The following NGEF variants were observed in gnomAD, a reference collection of about 807,000 sequenced individuals.
NGEF encodes ephexin-1.
Under a neutral mutation model 80.9 loss-of-function variants are expected in NGEF, and 31 were observed. The observed-to-expected ratio is 0.38, with a 90% confidence interval of 0.29 to 0.52. The LOEUF (loss-of-function observed/expected upper bound fraction) is 0.52. Among genes scored for constraint, NGEF ranks in the 20% least tolerant of loss-of-function variants. The probability of loss-of-function intolerance (pLI) is 0.84; values close to 1 mark genes in which losing one functional copy is unlikely to be tolerated. For missense variants in NGEF, 709 were observed against 926.2 expected (o/e 0.77, Z 3.04); for synonymous variants, 371 against 370.2 (o/e 1.00, Z -0.03).
intron 2 of NGEF, among the ~76,000 whole-genome samples, chr2:232,973,378 G>A (rs1056221597): frequency 6.6e-6 from 1 of 152,188 alleles, no homozygotes; most frequent in African/African-American, 2.4e-5. Context: ...GATTTTGTTA[G>A]TGTTTGTGGT....
intron 3 of NGEF, among the ~76,000 whole-genome samples, chr2:232,953,023 G>A (rs1448506613): frequency 6.8e-6 from 1 of 148,124 alleles, no homozygotes; most frequent in East Asian, 2.0e-4. Context: ...AGTGATTGGG[G>A]CCAGGCGCAG....
intron 3 of NGEF, among the ~76,000 whole-genome samples, chr2:232,932,410 C>T (rs1298021072): frequency 6.6e-6 from 1 of 151,964 alleles, no homozygotes; most frequent in Non-Finnish European, 1.5e-5. Context: ...CGTGATCCAC[C>T]CGACTCGGCC....
At chr2:232,896,699 T>G (rs1423508507) in intron 5 of NGEF, among the ~76,000 whole-genome samples, 1 of 9,256 alleles carries the variant, frequency 1.1e-4, no homozygotes. Context: ...GGGGTGGGGG[T>G]AGGGGTGGGG....
At chr2:232,986,727 G>T (rs1694539658) in intron 1 of NGEF, among the ~76,000 whole-genome samples, 1 of 152,134 alleles carries the variant, frequency 6.6e-6, no homozygotes, top group Admixed American at 6.6e-5. Flanking sequence ...GGGGAGATGT[G>T]GGTCAAAGGG....
intron 3 of NGEF, among the ~76,000 whole-genome samples, chr2:232,943,749 C>T (rs1693491441): frequency 6.6e-6 from 1 of 151,308 alleles, no homozygotes; most frequent in African/African-American, 2.4e-5. Context: ...CCCGCCTCAG[C>T]CTCCCAAAGT....
At chr2:232,982,210 C>T (rs1694445395) in intron 1 of NGEF, among the ~76,000 whole-genome samples, 1 of 152,176 alleles carries the variant, frequency 6.6e-6, no homozygotes, top group Non-Finnish European at 1.5e-5. Flanking sequence ...TCATCAATCT[C>T]TCCAAGGAGG....
intron 3 of NGEF, among the ~76,000 whole-genome samples, chr2:232,957,638 T>C (rs1190653249): frequency 1.3e-5 from 2 of 152,192 alleles, no homozygotes; most frequent in East Asian, 3.8e-4. Flanking sequence ...ATTACTAATA[T>C]TAATGTTAAA....
chr2:233,004,872 A>G (rs1382452426), intron 1 of NGEF, among the ~76,000 whole-genome samples: 1 of 152,084 alleles, frequency 6.6e-6, no homozygotes, highest in African/African-American at 2.4e-5. Flanking sequence ...AATGTACAAA[A>G]TTTGGGTGAT....
intron 3 of NGEF, among the ~76,000 whole-genome samples, chr2:232,968,105 T>TTTTTTTTTTTTTTTTTTTA (rs1694102814): frequency 6.6e-5 from 10 of 151,070 alleles, no homozygotes; most frequent in South Asian, 4.2e-4. Flanking sequence ...TTTTTTTTTT[T>TTTTTTTTTTTTTTTTTTTA]GAGACAAAGT....
intron 5 of NGEF, 47 bp from the exon 6 acceptor site, chr2:232,894,963 C>G: frequency 1.3e-6 from 2 of 1,518,308 alleles, no homozygotes; most frequent in Non-Finnish European, 1.8e-6. Context: ...TGGCCTTCCA[C>G]GAAGGCGCTA....
At chr2:232,955,654 G>C (rs564566981) in intron 3 of NGEF, among the ~76,000 whole-genome samples, 1 of 152,328 alleles carries the variant, frequency 6.6e-6, no homozygotes, top group South Asian at 2.1e-4. Context: ...GAGTAGCTGG[G>C]ATTACAGGCA....
intron 5 of NGEF, among the ~76,000 whole-genome samples, chr2:232,902,990 T>C (rs903617419): frequency 1.7e-5 from 2 of 120,110 alleles, no homozygotes; most frequent in African/African-American, 6.1e-5. Context: ...TGAGACTGTC[T>C]TAAAACAAAA....
Position 232,926,940 on chromosome 2 carries a change from C to T in NGEF, c.526+104G>A. ...TTTCCTTACCCATGTCAGACGCAGT[C>T]CTTCGTATGAAACACAACGGCATCC... On this transcript the variant is annotated intron_variant, in intron 4 of 14. Coordinates refer to ENST00000264051, the MANE Select transcript of NGEF (RefSeq NM_019850.3). 3 of 1,455,350 alleles carry T rather than the reference C, an allele frequency of 2.1e-6. No homozygotes were observed. The South Asian group carries it at 3.6e-5, about 17-fold the overall frequency. 90.2% of individuals were successfully genotyped at this position (1,455,350 alleles called of 1,614,324 possible).
intron 3 of NGEF, among the ~76,000 whole-genome samples, chr2:232,941,009 GT>G (rs1693427654): frequency 6.6e-6 from 1 of 151,962 alleles, no homozygotes; most frequent in Admixed American, 6.6e-5. Context: ...GGAGACCAGA[GT>G]TTTATTACTA....
intron 5 of NGEF, among the ~76,000 whole-genome samples, chr2:232,908,635 C>G (rs982091238): frequency 6.6e-6 from 1 of 152,008 alleles, no homozygotes; most frequent in African/African-American, 2.4e-5. Flanking sequence ...AACTCCTGGG[C>G]TAAAACCACT....
intron 3 of NGEF, among the ~76,000 whole-genome samples, chr2:232,936,178 A>G (rs1466231694): frequency 6.6e-6 from 1 of 152,232 alleles, no homozygotes; most frequent in Non-Finnish European, 1.5e-5. Context: ...TGCCACAAGG[A>G]GACTTTCCAA....
chr2:232,964,615 G>C (rs1056947404), intron 3 of NGEF, among the ~76,000 whole-genome samples: 1 of 152,222 alleles, frequency 6.6e-6, no homozygotes, highest in Non-Finnish European at 1.5e-5. Context: ...TTGAACCTGG[G>C]AGGTGGAGGT....
chr2:232,890,928 A>G, intron 8 of NGEF: 1 of 471,674 alleles, frequency 2.1e-6, no homozygotes. Context: ...CTTTCTGTCC[A>G]TGAACCTTGC....
rs925138468 is a variant in NGEF, at chr2:232,890,659, T to C, written c.1272+699A>G. ...AAGCCGAGGAATCACTCTCAGTCCTTCTCTCAGCAAGTCACTGATTTCAAT... is the reference window on the plus strand; with the variant it reads ...AAGCCGAGGAATCACTCTCAGTCCTCCTCTCAGCAAGTCACTGATTTCAAT... On this transcript the variant is annotated intron_variant, in intron 8 of 14. Transcript: ENST00000264051. Among the ~76,000 whole-genome samples the C allele has an allele frequency of 3.3e-5, 5 of 151,990 alleles. No homozygotes were observed. The South Asian group carries it at 1.0e-3, about 32-fold the overall frequency.
Sources: allele counts gnomAD v4.1 joint callset (sites outside exome capture counted in the v4.1 genomes callset), GRCh38; gene constraint gnomAD v4.1.1; transcripts MANE v1.5; gene names NCBI Gene and HGNC (gene_info 2026-07-23, HGNC 2026-07-21).